The following SBF2 variants were observed in gnomAD, a reference collection of about 807,000 sequenced individuals.
SBF2 encodes the protein myotubularin-related protein 13.
A neutral mutation model predicts 225.2 loss-of-function variants in SBF2; 112 were observed. That is an observed-to-expected ratio of 0.50 (90% confidence interval 0.43 to 0.58). The LOEUF is 0.58. Among genes scored for constraint, SBF2 ranks in the 20% least tolerant of loss-of-function variants. SBF2 has a pLI of 0.00. For synonymous variants in SBF2, 763 were observed against 773.3 expected, an observed-to-expected ratio of 0.99 and a Z score of 0.22; for missense variants, 1,996 against 2,206.2, an observed-to-expected ratio of 0.90 and a Z score of 1.91.
chr11:9,927,090 G>A (rs1419553126), intron 16 of SBF2, among the ~76,000 whole-genome samples: 1 of 152,122 alleles, frequency 6.6e-6, no homozygotes, highest in African/African-American at 2.4e-5. Flanking sequence ...ATATTAAAAA[G>A]ATAATAAAGA....
At chr11:9,886,236 C>G (rs1860288273) in intron 17 of SBF2, among the ~76,000 whole-genome samples, 1 of 152,172 alleles carries the variant, frequency 6.6e-6, no homozygotes, top group Non-Finnish European at 1.5e-5. Context: ...AAATTAGCAA[C>G]TTTCTTTTAA....
intron 2 of SBF2, among the ~76,000 whole-genome samples, chr11:10,116,779 C>T (rs368167407): frequency 1.3e-5 from 2 of 152,300 alleles, no homozygotes; most frequent in East Asian, 1.9e-4. Context: ...CACCCTCTTA[C>T]TAGCAGGAAA....
intron 1 of SBF2, among the ~76,000 whole-genome samples, chr11:10,215,794 A>G (rs973912621): frequency 6.6e-6 from 1 of 152,222 alleles, no homozygotes; most frequent in African/African-American, 2.4e-5. Context: ...CCAAAGTACC[A>G]GAATTTATAT....
chr11:9,794,641 G>A, intron 33 of SBF2, among the ~76,000 whole-genome samples: 1 of 119,328 alleles, frequency 8.4e-6, no homozygotes, highest in African/African-American at 3.1e-5. Flanking sequence ...CTCCAGCCTT[G>A]GAGACAGAGT....
chr11:9,904,836 G>C (rs1862001219), intron 16 of SBF2, among the ~76,000 whole-genome samples: 1 of 152,158 alleles, frequency 6.6e-6, no homozygotes, highest in Admixed American at 6.5e-5. Flanking sequence ...ACCAGCCTGA[G>C]TGATAGTAAG....
chr11:10,304,057 G>A (rs560114658), intron 1 of SBF2, among the ~76,000 whole-genome samples: 4 of 152,262 alleles, frequency 2.6e-5, no homozygotes, highest in African/African-American at 9.6e-5. Context: ...CTACCTGCAG[G>A]GTGACTTCCC....
intron 1 of SBF2, among the ~76,000 whole-genome samples, chr11:10,204,240 CAAA>C (rs200904886): frequency 1.1e-3 from 100 of 90,938 alleles, no homozygotes; most frequent in Non-Finnish European, 1.4e-3. Flanking sequence ...ATACTGAAAG[CAAA>C]AAAAAAAAAA....
At chr11:9,811,049 T>C (rs1382640959) in intron 30 of SBF2, 2 of 152,360 alleles carry the variant, frequency 1.3e-5, no homozygotes, top group East Asian at 1.9e-4. Flanking sequence ...AATGAGCTTA[T>C]GTCCTTTGCA....
intron 1 of SBF2, among the ~76,000 whole-genome samples, chr11:10,284,583 A>T (rs910225520): frequency 6.6e-6 from 1 of 152,072 alleles, no homozygotes; most frequent in Non-Finnish European, 1.5e-5. Flanking sequence ...TCAAAAGACA[A>T]GGGGTTTTTG....
At chr11:9,955,894 T>C (rs1866133261) in intron 16 of SBF2, among the ~76,000 whole-genome samples, 1 of 152,118 alleles carries the variant, frequency 6.6e-6, no homozygotes, top group African/African-American at 2.4e-5. Flanking sequence ...TTACCACGTA[T>C]GTTTGTATCA....
intron 2 of SBF2, among the ~76,000 whole-genome samples, chr11:10,078,927 G>T (rs1261037884): frequency 6.6e-6 from 1 of 152,054 alleles, no homozygotes; most frequent in Non-Finnish European, 1.5e-5. Flanking sequence ...TAGCATTTAA[G>T]AAATCCACCA....
chr11:10,032,042 G>C (rs1480671196), intron 3 of SBF2, among the ~76,000 whole-genome samples: 5 of 152,278 alleles, frequency 3.3e-5, no homozygotes, highest in African/African-American at 1.2e-4. Context: ...GCTTGGCTGA[G>C]AGAACATTTT....
At chr11:9,892,680 C>A (rs553954109) in intron 17 of SBF2, among the ~76,000 whole-genome samples, 1 of 152,116 alleles carries the variant, frequency 6.6e-6, no homozygotes, top group African/African-American at 2.4e-5. Flanking sequence ...CTGCCACAGC[C>A]TCTCAAGTAG....
chr11:10,251,545 CTACT>C (rs1488120802), intron 1 of SBF2, among the ~76,000 whole-genome samples: 4 of 152,166 alleles, frequency 2.6e-5, no homozygotes, highest in Non-Finnish European at 4.4e-5. Context: ...AATGAAAAGA[CTACT>C]TATTCAAGCG....
chr11:10,127,994 TAAATA>T (rs1378407519), intron 2 of SBF2, among the ~76,000 whole-genome samples: 2 of 152,190 alleles, frequency 1.3e-5, no homozygotes, highest in African/African-American at 2.4e-5. Flanking sequence ...ATGTGAGCAT[TAAATA>T]AAATAATGAA....
chr11:9,828,119 T>A, intron 28 of SBF2: 1 of 1,286,242 alleles, frequency 7.8e-7, no homozygotes, highest in Non-Finnish European at 1.0e-6. Context: ...AAATCAATCT[T>A]ACTAACCTCC....
chr11:10,062,199 T>C (rs1950473581), intron 2 of SBF2, among the ~76,000 whole-genome samples: 1 of 152,158 alleles, frequency 6.6e-6, no homozygotes, highest in Non-Finnish European at 1.5e-5. Flanking sequence ...TCATGATGAA[T>C]TAAAGACTTA....
upstream of SBF2, among the ~76,000 whole-genome samples, chr11:10,295,382 G>C (rs769806445): frequency 1.3e-5 from 2 of 152,164 alleles, no homozygotes; most frequent in Non-Finnish European, 2.9e-5. Flanking sequence ...AGCTCCTGAA[G>C]ATTTACTCTG....
intron 1 of SBF2, among the ~76,000 whole-genome samples, chr11:10,215,385 A>G (rs1958093007): frequency 6.6e-6 from 1 of 152,222 alleles, no homozygotes; most frequent in Non-Finnish European, 1.5e-5. Flanking sequence ...TGCATTTTTA[A>G]CCTATCAATA....
Sources: gnomAD v4.1 joint callset for allele counts (sites outside exome capture counted in the v4.1 genomes callset) on GRCh38, gnomAD v4.1.1 for gene constraint, MANE v1.5 for transcripts, NCBI Gene and HGNC (gene_info 2026-07-23, HGNC 2026-07-21) for gene names.